SLCO4C1: variants seen among roughly 807,000 people sequenced by gnomAD.
The protein encoded by SLCO4C1 is solute carrier organic anion transporter family member 4C1.
A neutral mutation model predicts 72.1 loss-of-function variants in SLCO4C1; 58 were observed. That is an observed-to-expected ratio of 0.80 (90% CI 0.65 to 1.00). The LOEUF is 1.00. Among genes scored for constraint, SLCO4C1 ranks in the 50% least tolerant of loss-of-function variants. SLCO4C1 has a pLI of 0.00. For synonymous variants in SLCO4C1, 297 were observed against 312.5 expected, an observed-to-expected ratio of 0.95 and a Z score of 0.52; for missense variants, 898 against 857.9, an observed-to-expected ratio of 1.05 and a Z score of -0.58.
chr5:102,258,228 A>G, intron 6 of SLCO4C1, 141 bp from the exon 7 acceptor site: 1 of 577,532 alleles, frequency 1.7e-6, no homozygotes. Flanking sequence ...CAAAAATATA[A>G]CTATGGATAA....
At chr5:102,293,889 C>A (rs557394068) in intron 1 of SLCO4C1, among the ~76,000 whole-genome samples, 1 of 151,980 alleles carries the variant, frequency 6.6e-6, no homozygotes. Flanking sequence ...CGTGTGCCAC[C>A]GCACCCGGCT....
rs924360311 is a variant in SLCO4C1, at chr5:102,260,273, A to G, written c.1068T>C (p.Ser356=). ...QAGKTSQAHQ[S]NSNADVKFGK... is the part of the protein sequence containing the mutation. ...CAAATTTCACATCTGCATTACTATT[A>G]CTCTGATGAGCCTGGGAAGTTTTTC... The change falls in exon 6 of 13, where the codon AGT becomes AGC. Residue 356 remains serine, a synonymous_variant. Coordinates refer to ENST00000310954, the MANE Select transcript of SLCO4C1 (RefSeq NM_180991.5). The G allele has an allele frequency of 2.5e-5, 35 of 1,394,314 alleles. No homozygotes were observed. The highest frequency in any genetic ancestry group is 3.2e-5 in the Non-Finnish European group (34 of 1,065,546). 86.4% of individuals were successfully genotyped at this position (1,394,314 alleles called of 1,614,324 possible). A position where few individuals can be genotyped will look rare whatever the true frequency, so the allele number is the denominator to read the frequency against.
At chr5:102,280,303 T>G (rs1749330953) in intron 2 of SLCO4C1, among the ~76,000 whole-genome samples, 1 of 151,890 alleles carries the variant, frequency 6.6e-6, no homozygotes, top group Non-Finnish European at 1.5e-5. Flanking sequence ...TTCCATATAC[T>G]GGCAATGAAC....
In SLCO4C1 at chr5:102,257,064, C is replaced by T. The variant is rs757170107; in HGVS notation, c.1469+51G>A. On this transcript the variant is annotated intron_variant, in intron 8 of 12. Coordinates refer to ENST00000310954, the MANE Select transcript of SLCO4C1 (RefSeq NM_180991.5). ...TTAAGAAAACATATGCTTGGAAATG[C>T]TTAGTCTATTATTCTGGTATTAATA... is the stretch of plus-strand genomic sequence containing the variant. 2.3e-6 allele frequency: 3 copies of T among 1,304,984 alleles called. No individual in the cohort carries two copies. In the Admixed American group the frequency reaches 9.0e-5, roughly 39 times the overall value. The allele number at this position is 1,304,984 out of a possible 1,614,324, so 80.8% of individuals were successfully genotyped here.
At chr5:102,293,358 C>G (rs1012211037) in intron 1 of SLCO4C1, among the ~76,000 whole-genome samples, 1 of 151,966 alleles carries the variant, frequency 6.6e-6, no homozygotes, top group Non-Finnish European at 1.5e-5. Context: ...TTTGTAAACT[C>G]CTCAGGAAGG....
chr5:102,266,471 G>A (rs1749041290), intron 3 of SLCO4C1, among the ~76,000 whole-genome samples: 1 of 152,094 alleles, frequency 6.6e-6, no homozygotes, highest in Non-Finnish European at 1.5e-5. Flanking sequence ...CCAACGTGGT[G>A]AAACCCTGTC....
intron 1 of SLCO4C1, among the ~76,000 whole-genome samples, chr5:102,293,805 G>T (rs1749598680): frequency 6.6e-6 from 1 of 152,096 alleles, no homozygotes. Flanking sequence ...CGCCATCTCG[G>T]CTCACTGCAA....
chr5:102,252,707 A>G (rs1018263990), intron 8 of SLCO4C1, among the ~76,000 whole-genome samples: 4 of 152,154 alleles, frequency 2.6e-5, no homozygotes, highest in African/African-American at 9.7e-5. Flanking sequence ...TAACAAAGAA[A>G]TATAGCTTAT....
intron 3 of SLCO4C1, among the ~76,000 whole-genome samples, chr5:102,264,535 A>T (rs1035198502): frequency 2.0e-5 from 3 of 152,116 alleles, no homozygotes; most frequent in African/African-American, 7.2e-5. Flanking sequence ...GTACATGGTT[A>T]TGTGTCAATA....
intron 2 of SLCO4C1, among the ~76,000 whole-genome samples, chr5:102,283,681 T>C (rs1749397246): frequency 6.6e-6 from 1 of 151,850 alleles, no homozygotes; most frequent in East Asian, 1.9e-4. Flanking sequence ...TTGAATGCCC[T>C]ATCAGAGCAC....
chr5:102,263,673 T>G lies in SLCO4C1; in HGVS notation c.899+11A>C, dbSNP rs377465831. The G allele has an allele frequency of 5.0e-6, 8 of 1,601,392 alleles. No homozygotes were observed. Among genetic ancestry groups the G allele is most frequent in the Admixed American group, 1.7e-5 (1 of 58,370 alleles). ...TGACTTTAAATAAAAGAAAAATAGA[T>G]ACTGCCTTGCCTTTCTCCCATAGCA... is the stretch of plus-strand genomic sequence containing the variant. On this transcript the variant is annotated intron_variant, in intron 4 of 12. Transcript: ENST00000310954.
intron 8 of SLCO4C1, among the ~76,000 whole-genome samples, chr5:102,252,000 T>A (rs1580244762): frequency 5.4e-5 from 7 of 128,958 alleles, no homozygotes; most frequent in African/African-American, 1.2e-4. Context: ...AATGAGGGAG[T>A]GAAGGAGAAA....
At chr5:102,239,153 C>T (rs962578235) in intron 12 of SLCO4C1, 98 bp downstream of exon 12, 2 of 1,125,470 alleles carry the variant, frequency 1.8e-6, no homozygotes, top group Non-Finnish European at 2.4e-6. Flanking sequence ...GTGGACTGAA[C>T]ATTTCAAAAT....
Position 102,237,036 on chromosome 5 carries a change from T to A in SLCO4C1, c.2015-18A>T, listed in dbSNP as rs1217938787. 3.9e-6 allele frequency: 6 copies of A among 1,547,510 alleles called. No homozygotes were observed. The highest frequency in any genetic ancestry group is 2.1e-5 in the Admixed American group (1 of 46,718). On this transcript the variant is annotated intron_variant, in intron 12 of 12. Coordinates refer to ENST00000310954, the MANE Select transcript of SLCO4C1 (RefSeq NM_180991.5). The stretch of plus-strand genomic sequence containing the variant: ...AGTAACACCTAAGTGAAAAAAAAAA[T>A]TAATCATGTGCTTTTGTTTTTAATT...
chr5:102,283,716 A>T (rs1007786941), intron 2 of SLCO4C1, among the ~76,000 whole-genome samples: 37 of 152,054 alleles, frequency 2.4e-4, no homozygotes, highest in Admixed American at 2.4e-3. Flanking sequence ...TAAGATTTTT[A>T]AAAGTCCATG....
At chr5:102,254,279 C>A (rs1486805137) in intron 8 of SLCO4C1, among the ~76,000 whole-genome samples, 3 of 152,124 alleles carry the variant, frequency 2.0e-5, no homozygotes, top group African/African-American at 7.2e-5. Flanking sequence ...TTTTTACAAA[C>A]TGAAGGTTAG....
intron 2 of SLCO4C1, among the ~76,000 whole-genome samples, chr5:102,277,361 T>C (rs937086778): frequency 6.6e-6 from 1 of 150,724 alleles, no homozygotes; most frequent in African/African-American, 2.4e-5. Context: ...TCCTCACCCC[T>C]CGTGCCAGTG....
In SLCO4C1 at chr5:102,249,710, A is replaced by C; in HGVS notation, c.1548T>G (p.Cys516Trp). ...GAGAAAAATATTGGACTCCATCTCCACAGACAGGATAATAATATGATCGCG... is the reference window on the plus strand; with the variant it reads ...GAGAAAAATATTGGACTCCATCTCCCCAGACAGGATAATAATATGATCGCG... ...NCSRSYYYPV[C>W]GDGVQYFSPC... The change falls in exon 9 of 13, where the codon TGT becomes TGG. Residue 516 changes from cysteine to tryptophan, a missense_variant. Cys to Trp is a radical substitution (Grantham distance 215). Transcript: ENST00000310954. The C allele has an allele frequency of 6.2e-7, 1 of 1,614,044 alleles. No individual in the cohort carries two copies. The highest frequency in any genetic ancestry group is 8.5e-7 in the Non-Finnish European group (1 of 1,179,968).
chr5:102,257,907 T>C, intron 7 of SLCO4C1, 36 bp downstream of exon 7: 3 of 1,567,440 alleles, frequency 1.9e-6, no homozygotes, highest in East Asian at 2.3e-5. Context: ...TATAGTAAAG[T>C]AAAATTTTTA....
Sources: gnomAD v4.1 joint callset for allele counts (sites outside exome capture counted in the v4.1 genomes callset) on GRCh38, gnomAD v4.1.1 for gene constraint, MANE v1.5 for transcripts, NCBI Gene and HGNC (gene_info 2026-07-23, HGNC 2026-07-21) for gene names.